SLC15A5: variants seen among roughly 807,000 people sequenced by gnomAD.
SLC15A5 encodes the protein solute carrier family 15 member 5, also known as Peptide/histidine transporter ENSP00000340402.
Under a neutral mutation model 56.1 loss-of-function variants are expected in SLC15A5, and 58 were observed. The observed-to-expected ratio is 1.03, with a 90% CI of 0.84 to 1.29. The LOEUF (loss-of-function observed/expected upper bound fraction) is 1.29, where lower values mean the gene tolerates loss of function less well. SLC15A5 is among the 50% of genes most tolerant of loss of function. The pLI, the probability that SLC15A5 is intolerant of heterozygous loss-of-function variation, is 0.00. For synonymous variants in SLC15A5, 264 were observed against 250.5 expected (o/e 1.05, Z -0.51); for missense variants, 681 against 672.1 (o/e 1.01, Z -0.15).
chr12:16,210,173 A>G (rs916309541), intron 7 of SLC15A5, among the ~76,000 whole-genome samples: 3 of 152,124 alleles, frequency 2.0e-5, no homozygotes, highest in African/African-American at 7.2e-5. Flanking sequence ...TCCTAGGCTT[A>G]CCAAGCTAAA....
At chr12:16,250,936 A>T (rs1367227711) in intron 3 of SLC15A5, among the ~76,000 whole-genome samples, 2 of 152,020 alleles carry the variant, frequency 1.3e-5, no homozygotes, top group South Asian at 2.1e-4. Flanking sequence ...AACCCTGTGC[A>T]TAAAAAAATA....
At position 16,194,386 on chromosome 12, in the gene SLC15A5, T is replaced by G; in HGVS notation, c.1551A>C (p.Leu517Phe). 1.3e-6 allele frequency: 2 copies of G among 1,535,524 alleles called. No individual in the cohort carries two copies. The highest frequency in any genetic ancestry group is 1.7e-6 in the Non-Finnish European group (2 of 1,145,646). The change falls in exon 8 of 9, where the codon TTA becomes TTC. Residue 517 changes from leucine (L) to phenylalanine (F), a missense_variant. Leu to Phe is a conservative substitution (Grantham distance 22). Coordinates refer to ENST00000344941, the MANE Select transcript of SLC15A5 (RefSeq NM_001170798.1). ...LESFFFFLASLTLLNVLGFCS... is the reference protein window; with the variant it reads ...LESFFFFLASFTLLNVLGFCS... ...AGAATCCCAGGACGTTCAACAATGTTAATGATGCCAGGAAGAAGAAGAAGC... is the reference window on the plus strand; with the variant it reads ...AGAATCCCAGGACGTTCAACAATGTGAATGATGCCAGGAAGAAGAAGAAGC...
intron 7 of SLC15A5, among the ~76,000 whole-genome samples, chr12:16,210,812 G>T (rs1387326688): frequency 1.2e-4 from 19 of 152,316 alleles, no homozygotes. Context: ...TCTAAAGCTG[G>T]CTCTTTCCTG....
intron 4 of SLC15A5, among the ~76,000 whole-genome samples, chr12:16,240,173 G>T (rs1300686663): frequency 3.3e-5 from 5 of 152,102 alleles, no homozygotes; most frequent in Non-Finnish European, 7.4e-5. Flanking sequence ...CACATAAAAA[G>T]CCAAATAACT....
chr12:16,232,201 A>G (rs907067861), intron 5 of SLC15A5, among the ~76,000 whole-genome samples: 1 of 152,258 alleles, frequency 6.6e-6, no homozygotes, highest in African/African-American at 2.4e-5. Context: ...AAGAAATCTT[A>G]GAAACCAAAT....
intron 7 of SLC15A5, among the ~76,000 whole-genome samples, chr12:16,214,612 C>T (rs1256823290): frequency 6.6e-6 from 1 of 152,148 alleles, no homozygotes; most frequent in Non-Finnish European, 1.5e-5. Context: ...CACTGAAGCT[C>T]AGGTGAGCTC....
chr12:16,266,342 T>G (rs1344178867), intron 2 of SLC15A5, among the ~76,000 whole-genome samples: 1 of 152,226 alleles, frequency 6.6e-6, no homozygotes, highest in Non-Finnish European at 1.5e-5. Context: ...GAACACCGTG[T>G]GACTCTTCAG....
In SLC15A5 at chr12:16,235,344, G is replaced by A. The variant is rs1864342899; in HGVS notation, c.1162+4337C>T. ...TGTATATGTATATGTACATATATAT[G>A]ACCTTCTATCTTTTGTTTCTCTGTA... is the stretch of plus-strand genomic sequence containing the variant. On this transcript the variant is annotated intron_variant, in intron 5 of 8. Transcript: ENST00000344941. This position sits in a 1 kb window ranked among gnomAD's most constrained non-coding sequence, Gnocchi z 4.1. Among the ~76,000 whole-genome samples, 1 of 149,184 alleles carries A rather than the reference G, an allele frequency of 6.7e-6. No individual in the cohort carries two copies. Among genetic ancestry groups the A allele is most frequent in the Non-Finnish European group, 1.5e-5 (1 of 67,262 alleles).
intron 5 of SLC15A5, among the ~76,000 whole-genome samples, chr12:16,229,651 CA>C (rs1565664518): frequency 7.9e-6 from 1 of 125,932 alleles, no homozygotes; most frequent in African/African-American, 3.4e-5. Flanking sequence ...CACACATACA[CA>C]CACACACACA....
Position 16,188,713 on chromosome 12 carries a change from A to C in SLC15A5, c.*955T>G, listed in dbSNP as rs1863811653. On this transcript the variant is annotated 3_prime_UTR_variant, in exon 9 of 9. Transcript: ENST00000344941. ...GACCCCAATCTCAAAAAAAGATTTG[A>C]GTTAAGGCAGTCTGTATAGGGGCCA... The C allele has an allele frequency of 6.6e-6, 1 of 152,232 alleles. No homozygotes were observed. The highest frequency in any genetic ancestry group is 1.5e-5 in the Non-Finnish European group (1 of 68,040). The allele number at this position is 152,232 out of a possible 1,614,324, so 9.4% of individuals were successfully genotyped here.
At chr12:16,257,930 C>T in intron 2 of SLC15A5, 60 bp from the exon 3 acceptor site, 1 of 1,280,444 alleles carries the variant, frequency 7.8e-7, no homozygotes. Flanking sequence ...ATAACTATTG[C>T]TAATTTTAAT....
At chr12:16,195,140 ATTACT>A (rs1371531895) in intron 7 of SLC15A5, among the ~76,000 whole-genome samples, 7 of 152,072 alleles carry the variant, frequency 4.6e-5, no homozygotes, top group East Asian at 1.9e-4. Flanking sequence ...GTTCAAGGTA[ATTACT>A]TTAATTTGCT....
chr12:16,274,200 CT>C (rs2136828212), intron 1 of SLC15A5, among the ~76,000 whole-genome samples: 1 of 152,040 alleles, frequency 6.6e-6, no homozygotes, highest in African/African-American at 2.4e-5. Flanking sequence ...AGCCTAAGTT[CT>C]CAGTCAAAGG....
chr12:16,276,819 A>G (rs1215569778), intron 1 of SLC15A5, among the ~76,000 whole-genome samples: 2 of 152,040 alleles, frequency 1.3e-5, no homozygotes, highest in East Asian at 3.9e-4. Context: ...TAAAGCATAT[A>G]ATCATAGTTA....
At chr12:16,253,232 T>C (rs988968396) in intron 3 of SLC15A5, among the ~76,000 whole-genome samples, 28 of 152,018 alleles carry the variant, frequency 1.8e-4, no homozygotes, top group Admixed American at 1.7e-3. Context: ...AATGATTTCT[T>C]GGACATGACA....
At chr12:16,260,233 G>A (rs141516013) in intron 2 of SLC15A5, among the ~76,000 whole-genome samples, 4 of 152,120 alleles carry the variant, frequency 2.6e-5, no homozygotes, top group East Asian at 1.9e-4. Flanking sequence ...GCCACACCTC[G>A]GCTCTTACCC....
intron 3 of SLC15A5, among the ~76,000 whole-genome samples, chr12:16,253,961 A>G (rs780113978): frequency 3.9e-5 from 6 of 152,156 alleles, no homozygotes; most frequent in Non-Finnish European, 8.8e-5. Flanking sequence ...TCAAAGTGAG[A>G]TTCTGAGGAA....
In SLC15A5 at chr12:16,237,568, G is replaced by A. The variant is rs190771759; in HGVS notation, c.1162+2113C>T. 4.9e-3 allele frequency among the ~76,000 whole-genome samples: 748 copies of A among 152,270 alleles called. 9 individuals carry two copies. Among genetic ancestry groups the A allele is most frequent in the African/African-American group, 0.017 (715 of 41,568 alleles). On this transcript the variant is annotated intron_variant, in intron 5 of 8. Transcript: ENST00000344941. This position sits in a 1 kb window ranked among gnomAD's most constrained non-coding sequence, Gnocchi z 4.1. ...TAACTTTTCTAAATCCAGAAAAAAA[G>A]TACTCTTCTTTAGGAAGAGATGTGA...
chr12:16,195,500 A>AT (rs1419197862), intron 7 of SLC15A5, among the ~76,000 whole-genome samples: 19 of 152,056 alleles, frequency 1.2e-4, no homozygotes, highest in African/African-American at 4.3e-4. Flanking sequence ...AATGAGTTGA[A>AT]TTTTTTTACT....
Sources: allele counts gnomAD v4.1 joint callset (sites outside exome capture counted in the v4.1 genomes callset), GRCh38; gene constraint gnomAD v4.1.1; non-coding constraint Gnocchi (gnomAD v3.1); transcripts MANE v1.5; gene names NCBI Gene and HGNC (gene_info 2026-07-23, HGNC 2026-07-21).